Variants in VEPH1 observed in about 807,000 individuals in gnomAD.
The protein encoded by VEPH1 is ventricular zone expressed PH domain containing 1.
VEPH1 carries 80 observed loss-of-function variants against 85.2 expected under a neutral mutation model. The ratio of observed to expected loss-of-function variants is 0.94; its 90% CI spans 0.78 to 1.13. The LOEUF is 1.13. VEPH1 is among the 50% of genes most tolerant of loss of function. The pLI is 0.00. For synonymous variants in VEPH1, 297 were observed against 348.0 expected, an observed-to-expected ratio of 0.85 and a Z score of 1.63; for missense variants, 955 against 980.5, an observed-to-expected ratio of 0.97 and a Z score of 0.35.
chr3:157,338,115 A>T (rs1157105385), intron 9 of VEPH1, among the ~76,000 whole-genome samples: 1 of 152,186 alleles, frequency 6.6e-6, no homozygotes, highest in Non-Finnish European at 1.5e-5. Flanking sequence ...CTACAGATAA[A>T]AATGAATGTG....
At chr3:157,278,237 C>G (rs996646975) in intron 12 of VEPH1, among the ~76,000 whole-genome samples, 1 of 152,160 alleles carries the variant, frequency 6.6e-6, no homozygotes, top group African/African-American at 2.4e-5. Context: ...GCTTCCAATA[C>G]TGAAGCTGTG....
intron 4 of VEPH1, among the ~76,000 whole-genome samples, chr3:157,445,676 C>A (rs1306205326): frequency 6.6e-6 from 1 of 152,020 alleles, no homozygotes; most frequent in East Asian, 1.9e-4. Context: ...GTAATCCCAG[C>A]TACTCAGGAG....
chr3:157,419,684 G>A (rs1220198348), intron 5 of VEPH1, among the ~76,000 whole-genome samples: 22 of 152,134 alleles, frequency 1.4e-4, no homozygotes, highest in Non-Finnish European at 2.1e-4. Flanking sequence ...AGATGCTGGC[G>A]AGGTTGTGGA....
intron 11 of VEPH1, among the ~76,000 whole-genome samples, chr3:157,287,441 G>A (rs1418961856): frequency 6.6e-6 from 1 of 150,838 alleles, no homozygotes; most frequent in East Asian, 2.0e-4. Context: ...AAATATGGGG[G>A]TGGGGCTTAA....
chr3:157,377,736 G>T (rs67677320), intron 7 of VEPH1, among the ~76,000 whole-genome samples: 17,222 of 152,100 alleles, frequency 0.11, 1,272 homozygotes, highest in South Asian at 0.34. Context: ...ATGATTGTAA[G>T]TTTCCTGACG....
At chr3:157,502,450 T>G (rs946794797) in intron 1 of VEPH1, among the ~76,000 whole-genome samples, 5 of 152,244 alleles carry the variant, frequency 3.3e-5, no homozygotes, top group African/African-American at 4.8e-5. Context: ...CTGTAAATGT[T>G]GACTTTGTTG....
At chr3:157,304,038 T>TATATATATATATATACACACACAC in intron 11 of VEPH1, among the ~76,000 whole-genome samples, 49 of 96,916 alleles carry the variant, frequency 5.1e-4, no homozygotes, top group African/African-American at 1.5e-3. Flanking sequence ...TATATATATA[T>TATATATATATATATACACACACAC]ACACACATAC....
intron 2 of VEPH1, among the ~76,000 whole-genome samples, chr3:157,473,211 T>TC (rs1414457639): frequency 2.0e-5 from 3 of 151,654 alleles, no homozygotes; most frequent in Non-Finnish European, 4.4e-5. Context: ...TAGCTGGGAC[T>TC]ATAGGAGCAT....
At chr3:157,268,890 G>T (rs1045149892) in intron 12 of VEPH1, among the ~76,000 whole-genome samples, 1 of 152,048 alleles carries the variant, frequency 6.6e-6, no homozygotes, top group Non-Finnish European at 1.5e-5. Flanking sequence ...TGGGACCACA[G>T]GTGCACACCA....
At chr3:157,436,068 G>A (rs1733550590) in intron 4 of VEPH1, among the ~76,000 whole-genome samples, 1 of 152,148 alleles carries the variant, frequency 6.6e-6, no homozygotes, top group African/African-American at 2.4e-5. Context: ...CCTGAGGTCA[G>A]GAGTTCGAGA....
chr3:157,341,900 C>G (rs1298905207), intron 9 of VEPH1, among the ~76,000 whole-genome samples: 3 of 151,996 alleles, frequency 2.0e-5, no homozygotes, highest in Admixed American at 6.6e-5. Flanking sequence ...AATTTTCAAC[C>G]CAGAATTTCA....
At chr3:157,383,408 C>A (rs778335173) in intron 6 of VEPH1, among the ~76,000 whole-genome samples, 1 of 152,132 alleles carries the variant, frequency 6.6e-6, no homozygotes, top group Non-Finnish European at 1.5e-5. Context: ...GATTCTACAC[C>A]CAGTGTGTGT....
At position 157,438,031 on chromosome 3, in the gene VEPH1, G is replaced by GCACA. The variant is rs1213951055; in HGVS notation, c.530-9544_530-9543insTGTG. 462 of 820,172 alleles carry GCACA rather than the reference G, an allele frequency of 5.6e-4. 1 individual carries two copies. In the African/African-American group the frequency reaches 9.1e-3, roughly 16 times the overall value. 50.8% of individuals were successfully genotyped at this position (820,172 alleles called of 1,614,324 possible). Reference sequence around the variant, plus strand: ...AAGCTTTCATGGGAAGCGCGCGCGCGCGCGCGCACACACACACACACACAC... The same window carrying GCACA: ...AAGCTTTCATGGGAAGCGCGCGCGCGCACACGCGCGCACACACACACACACACAC... On this transcript the variant is annotated intron_variant, in intron 4 of 13. Transcript: ENST00000362010.
intron 6 of VEPH1, among the ~76,000 whole-genome samples, chr3:157,390,632 CAAG>C (rs1344346205): frequency 6.6e-5 from 10 of 152,138 alleles, no homozygotes; most frequent in Non-Finnish European, 1.3e-4. Context: ...AGCTTTAATT[CAAG>C]AAGGAGAATG....
At chr3:157,448,070 A>T (rs1045691798) in intron 4 of VEPH1, among the ~76,000 whole-genome samples, 1 of 152,008 alleles carries the variant, frequency 6.6e-6, no homozygotes, top group Non-Finnish European at 1.5e-5. Flanking sequence ...TTTAAGTCTC[A>T]TACATCCTAT....
At chr3:157,415,741 A>T (rs955608117) in intron 5 of VEPH1, among the ~76,000 whole-genome samples, 14 of 152,172 alleles carry the variant, frequency 9.2e-5, no homozygotes, top group Admixed American at 2.6e-4. Context: ...ATTATGATGA[A>T]TTTTTTTTAA....
chr3:157,481,141 C>T (rs1737997607), intron 2 of VEPH1, among the ~76,000 whole-genome samples: 1 of 151,900 alleles, frequency 6.6e-6, no homozygotes, highest in South Asian at 2.1e-4. Context: ...TTTAATGGGA[C>T]TAATTGTTTT....
intron 11 of VEPH1, among the ~76,000 whole-genome samples, chr3:157,301,554 C>G (rs2108458907): frequency 6.6e-6 from 1 of 152,290 alleles, no homozygotes; most frequent in Middle Eastern, 3.4e-3. Context: ...TCCTTCTTTA[C>G]TCGTTCCTTC....
intron 9 of VEPH1, among the ~76,000 whole-genome samples, chr3:157,358,677 C>T (rs1399716082): frequency 3.3e-5 from 5 of 152,136 alleles, no homozygotes; most frequent in African/African-American, 4.8e-5. Flanking sequence ...CTTTATTTGT[C>T]ATTAACCATG....
Sources: gnomAD v4.1 joint callset for allele counts (sites outside exome capture counted in the v4.1 genomes callset) on GRCh38, gnomAD v4.1.1 for gene constraint, MANE v1.5 for transcripts, NCBI Gene and HGNC (gene_info 2026-07-23, HGNC 2026-07-21) for gene names.